Variants in OPHN1 observed in about 807,000 individuals in gnomAD.
The protein encoded by OPHN1 is oligophrenin 1, also known as oligophrenin-1.
OPHN1 carries 11 observed loss-of-function variants against 60.7 expected under a neutral mutation model. The ratio of observed to expected loss-of-function variants is 0.18; its 90% CI spans 0.11 to 0.30. The LOEUF (loss-of-function observed/expected upper bound fraction) is 0.30. Ranked by LOEUF, OPHN1 falls within the 10% of genes least tolerant of loss-of-function variation. OPHN1 has a pLI of 1.00. For synonymous variants in OPHN1, 226 were observed against 222.6 expected (o/e 1.02, Z -0.14); for missense variants, 449 against 611.0 (o/e 0.73, Z 2.80).
intron 2 of OPHN1, among the ~76,000 whole-genome samples, chrX:68,426,078 C>T (rs186541463): frequency 6.3e-5 from 7 of 111,243 alleles, no homozygotes; most frequent in African/African-American, 2.3e-4. Context: ...ACGACCCACC[C>T]GCCTTGGCTT....
intron 21 of OPHN1, among the ~76,000 whole-genome samples, chrX:68,063,498 G>A (rs1441404439): frequency 9.3e-6 from 1 of 107,802 alleles, no homozygotes; most frequent in African/African-American, 3.4e-5. Context: ...TCCAGCCTGG[G>A]TGACAGAGTG....
chrX:68,379,269 A>C (rs999478025), intron 2 of OPHN1, among the ~76,000 whole-genome samples: 8 of 111,700 alleles, frequency 7.2e-5, no homozygotes, highest in Admixed American at 2.9e-4. Flanking sequence ...TGATTTTTGC[A>C]CATTGATTTT....
chrX:68,211,973 T>C, intron 8 of OPHN1, 135 bp downstream of exon 8: 1 of 516,659 alleles, frequency 1.9e-6, no homozygotes, highest in Non-Finnish European at 3.5e-6. Context: ...ATACTAAATA[T>C]TTGTGATCCA....
At chrX:68,156,684 T>C (rs1230625221) in intron 15 of OPHN1, among the ~76,000 whole-genome samples, 1 of 111,816 alleles carries the variant, frequency 8.9e-6, no homozygotes, top group Non-Finnish European at 1.9e-5. Flanking sequence ...TATAATGTTT[T>C]CAAGGTTCAT....
At chrX:68,146,216 CTAGTGT>C (rs1417047634) in intron 15 of OPHN1, among the ~76,000 whole-genome samples, 1 of 111,839 alleles carries the variant, frequency 8.9e-6, no homozygotes, top group Non-Finnish European at 1.9e-5. Flanking sequence ...TCTAGTAAGG[CTAGTGT>C]GTGGAAATTT....
At chrX:68,082,607 G>A (rs2076978028) in intron 19 of OPHN1, among the ~76,000 whole-genome samples, 1 of 112,497 alleles carries the variant, frequency 8.9e-6, no homozygotes, top group African/African-American at 3.2e-5. Context: ...GGTCTCAAGA[G>A]TGGGCTTAAA....
chrX:68,058,658 C>T (rs776166659), intron 21 of OPHN1, among the ~76,000 whole-genome samples: 2 of 111,799 alleles, frequency 1.8e-5, no homozygotes, highest in Non-Finnish European at 3.8e-5. Flanking sequence ...TCCATGTCTG[C>T]CATTTCCTAA....
intron 20 of OPHN1, chrX:68,071,609 A>G: frequency 1.8e-6 from 1 of 569,895 alleles, no homozygotes; most frequent in Non-Finnish European, 3.2e-6. Flanking sequence ...ACTTGGCTCC[A>G]TTGTCCAAGC....
intron 15 of OPHN1, among the ~76,000 whole-genome samples, chrX:68,186,839 T>C (rs907990016): frequency 1.8e-5 from 2 of 111,380 alleles, no homozygotes; most frequent in African/African-American, 6.5e-5. Flanking sequence ...ATCCCATTCA[T>C]GAAGGCCCCA....
chrX:68,432,785 TC>T, intron 2 of OPHN1, 81 bp downstream of exon 2: 2 of 1,081,356 alleles, frequency 1.8e-6, no homozygotes, highest in East Asian at 6.0e-5. Context: ...CCCTGCAATC[TC>T]CCTTCCCCTG....
intron 2 of OPHN1, among the ~76,000 whole-genome samples, chrX:68,330,205 T>C (rs1356282054): frequency 3.6e-5 from 4 of 109,893 alleles, no homozygotes; most frequent in Non-Finnish European, 7.6e-5. Flanking sequence ...GTTCAAGCGA[T>C]TCTCCCGCCT....
At chrX:68,056,668 G>A (rs1290586271) in intron 21 of OPHN1, among the ~76,000 whole-genome samples, 2 of 111,131 alleles carry the variant, frequency 1.8e-5, no homozygotes, top group African/African-American at 3.3e-5. Context: ...TCTCCCAGAC[G>A]ATAACTGCTT....
rs756860178 is a variant in OPHN1 at position 68,333,139 on chromosome X, T to A, written c.155-34043A>T. Among the ~76,000 whole-genome samples the A allele has an allele frequency of 8.2e-5, 9 of 109,464 alleles. No homozygotes were observed. The East Asian group carries it at 1.1e-3, about 14-fold the overall frequency. ...AAAAATAAATAAATACTTATTTTTT[T>A]AAAAAAAGGCCAGGCGTGGTGGTTC... is the stretch of plus-strand genomic sequence containing the variant. On this transcript the variant is annotated intron_variant, in intron 2 of 24. Coordinates refer to ENST00000355520, the MANE Select transcript of OPHN1 (RefSeq NM_002547.3).
chrX:68,050,689 C>T (rs895754567), intron 23 of OPHN1, among the ~76,000 whole-genome samples: 15 of 112,036 alleles, frequency 1.3e-4, no homozygotes, highest in African/African-American at 4.9e-4. Flanking sequence ...TTTCAAGCCC[C>T]AACTCATATA....
At chrX:68,138,258 A>G (rs2077229083) in intron 15 of OPHN1, among the ~76,000 whole-genome samples, 1 of 112,365 alleles carries the variant, frequency 8.9e-6, no homozygotes, top group Non-Finnish European at 1.9e-5. Context: ...TTGTAAGAGG[A>G]ATACTATTTA....
At chrX:68,272,019 G>A (rs1208948058) in intron 5 of OPHN1, among the ~76,000 whole-genome samples, 14 of 127 alleles carry the variant, frequency 0.11, no homozygotes, top group African/African-American at 0.24. Flanking sequence ...CTCCTGCAAC[G>A]TCCTCCAGCT....
At chrX:68,258,471 T>C (rs1332737614) in intron 5 of OPHN1, among the ~76,000 whole-genome samples, 1 of 92,536 alleles carries the variant, frequency 1.1e-5, no homozygotes, top group Non-Finnish European at 2.1e-5. Context: ...TGTCCGTGTG[T>C]TCTCATTGTT....
chrX:68,397,335 G>A (rs760834849), intron 2 of OPHN1, among the ~76,000 whole-genome samples: 2 of 109,885 alleles, frequency 1.8e-5, no homozygotes, highest in Non-Finnish European at 3.8e-5. Context: ...GCTTCTTATC[G>A]GAGAACATCA....
chrX:68,362,547 G>T, intron 2 of OPHN1, among the ~76,000 whole-genome samples: 1 of 111,341 alleles, frequency 9.0e-6, no homozygotes, highest in East Asian at 2.8e-4. Flanking sequence ...GTGAGGTAAC[G>T]AGTATGTTAA....
Sources: gnomAD v4.1 joint callset for allele counts (sites outside exome capture counted in the v4.1 genomes callset) on GRCh38, gnomAD v4.1.1 for gene constraint, MANE v1.5 for transcripts, NCBI Gene and HGNC (gene_info 2026-07-23, HGNC 2026-07-21) for gene names.